Variants in SLC44A2 observed in about 807,000 individuals in gnomAD.
SLC44A2 encodes solute carrier family 44 member 2 (CTL2 blood group).
Under a neutral mutation model 90.8 loss-of-function variants are expected in SLC44A2, and 57 were observed. That is an observed-to-expected ratio of 0.63 (90% CI 0.51 to 0.78). SLC44A2 has a LOEUF of 0.78. Among genes scored for constraint, SLC44A2 ranks in the 30% least tolerant of loss-of-function variants. The probability of loss-of-function intolerance (pLI) is 0.00; values close to 1 mark genes in which losing one functional copy is unlikely to be tolerated. For synonymous variants in SLC44A2, 355 were observed against 360.7 expected (o/e 0.98, Z 0.18); for missense variants, 794 against 919.7 (o/e 0.86, Z 1.77).
In SLC44A2 at chr19:10,625,715, C is replaced by CCCT. The variant is rs770568112; in HGVS notation, c.37+47_37+49dup. ...CGTAGCCCCGGGCCGACCCCTCGGT[C>CCCT]CCTCGGAGGGGGCCTTGAGAGAACA... On this transcript the variant is annotated intron_variant, in intron 1 of 21. Transcript: ENST00000335757. The CCCT allele has an allele frequency of 6.7e-5, 82 of 1,231,720 alleles. No homozygotes were observed. The East Asian group carries it at 2.6e-3, about 39-fold the overall frequency. The allele number at this position is 1,231,720 out of a possible 1,614,324, so 76.3% of individuals were successfully genotyped here.
At chr19:10,638,600 A>C (rs955325635) in intron 20 of SLC44A2, among the ~76,000 whole-genome samples, 1 of 151,652 alleles carries the variant, frequency 6.6e-6, no homozygotes, top group Non-Finnish European at 1.5e-5. Flanking sequence ...GCCTGCCCCC[A>C]CACCTGCCTA....
At chr19:10,642,232 G>A in intron 20 of SLC44A2, 135 bp from the exon 21 acceptor site, 1 of 687,490 alleles carries the variant, frequency 1.5e-6, no homozygotes, top group Non-Finnish European at 2.6e-6. Context: ...CGGGGGTGAG[G>A]GGTTGGGATG....
At position 10,644,079 on chromosome 19, in the gene SLC44A2, G is replaced by A. The variant is rs1189110719; in HGVS notation, c.*694G>A. ...GTTTTGCGGGGGTTGGCAGTGGAGA[G>A]CAGGCTGGAGAGGAGATGGCTAATA... On this transcript the variant is annotated 3_prime_UTR_variant, in exon 22 of 22. Transcript: ENST00000335757. The A allele has an allele frequency of 6.6e-6, 1 of 152,670 alleles. No individual in the cohort carries two copies. Among genetic ancestry groups the A allele is most frequent in the Non-Finnish European group, 1.5e-5 (1 of 68,176 alleles). 9.5% of individuals were successfully genotyped at this position (152,670 alleles called of 1,614,324 possible). A position where few individuals can be genotyped will look rare whatever the true frequency, so the allele number is the denominator to read the frequency against.
At chr19:10,605,304 C>T (rs1918071157) in intron 1 of SLC44A2, among the ~76,000 whole-genome samples, 2 of 151,950 alleles carry the variant, frequency 1.3e-5, no homozygotes, top group South Asian at 2.1e-4. Flanking sequence ...CACCTGAGGT[C>T]GGGAGTTCGA....
Position 10,643,389 on chromosome 19 carries a change from C to T in SLC44A2, c.*4C>T, listed in dbSNP as rs1264658642. On this transcript the variant is annotated 3_prime_UTR_variant, in exon 22 of 22. Coordinates refer to ENST00000335757, the MANE Select transcript of SLC44A2 (RefSeq NM_020428.4). Reference sequence around the variant, plus strand: ...CAAGAAGGCAGCGGAGTCCTGAAGGCCCCGTGCTCCCCACCTCTCAAGGAG... The same window carrying T: ...CAAGAAGGCAGCGGAGTCCTGAAGGTCCCGTGCTCCCCACCTCTCAAGGAG... 6.2e-7 allele frequency: 1 copy of T among 1,605,556 alleles called. No individual in the cohort carries two copies.
chr19:10,640,984 G>A (rs1230375771), intron 20 of SLC44A2: 2 of 325,106 alleles, frequency 6.2e-6, no homozygotes, highest in African/African-American at 2.2e-5. Flanking sequence ...CTACTCAGGA[G>A]GCTGAGGTAA....
chr19:10,643,358 G>A lies in SLC44A2; in HGVS notation c.2094G>A (p.Lys698=), dbSNP rs1232465011. The change falls in exon 22 of 22, where the codon AAG becomes AAA. Residue 698 remains lysine, a synonymous_variant. Transcript: ENST00000335757. ...CCACCCTCAAGAAACTCTTGAACAAGACCAACAAGAAGGCAGCGGAGTCCT... is the reference window on the plus strand; with the variant it reads ...CCACCCTCAAGAAACTCTTGAACAAAACCAACAAGAAGGCAGCGGAGTCCT... ...MSSTLKKLLN[K]TNKKAAES 6.2e-7 allele frequency: 1 copy of A among 1,612,910 alleles called. No homozygotes were observed. Among genetic ancestry groups the A allele is most frequent in the South Asian group, 1.1e-5 (1 of 90,784 alleles).
At chr19:10,610,749 C>T (rs540106905) in intron 1 of SLC44A2, among the ~76,000 whole-genome samples, 1 of 142,186 alleles carries the variant, frequency 7.0e-6, no homozygotes, top group East Asian at 2.2e-4. Flanking sequence ...AAGTGATTCT[C>T]TGGCCTCAGC....
At chr19:10,636,064 A>G (rs2067050893) in intron 14 of SLC44A2, 2 of 496,134 alleles carry the variant, frequency 4.0e-6, no homozygotes, top group Admixed American at 7.7e-5. Flanking sequence ...GGTGTGAGCC[A>G]CCTCGCCCGG....
intron 16 of SLC44A2, 30 bp downstream of exon 16, chr19:10,636,786 C>G (rs921445819): frequency 6.2e-7 from 1 of 1,601,238 alleles, no homozygotes; most frequent in Non-Finnish European, 8.5e-7. Flanking sequence ...CGCATTAGCT[C>G]CTGTTGCGGG....
chr19:10,602,519 C>G (rs1414435379), exon 1 of SLC44A2: 7 of 1,272,848 alleles, frequency 5.5e-6, no homozygotes, highest in African/African-American at 1.5e-5. Context: ...CGCTCCCCGC[C>G]CCGCCGCGGC....
intron 16 of SLC44A2, 129 bp downstream of exon 16, chr19:10,636,885 C>A: frequency 1.0e-6 from 1 of 970,516 alleles, no homozygotes; most frequent in Non-Finnish European, 1.5e-6. Flanking sequence ...CTGTCTATGA[C>A]GGGGTGGAGT....
intron 1 of SLC44A2, among the ~76,000 whole-genome samples, chr19:10,609,823 T>G (rs1194545216): frequency 6.6e-6 from 1 of 152,076 alleles, no homozygotes; most frequent in East Asian, 1.9e-4. Flanking sequence ...TATTTATTTT[T>G]TGAGACAGAA....
chr19:10,636,641 G>C (rs1489953037), intron 15 of SLC44A2, 21 bp from the exon 16 acceptor site: 3 of 1,610,744 alleles, frequency 1.9e-6, no homozygotes, highest in Non-Finnish European at 2.5e-6. Flanking sequence ...CCCAGCCACC[G>C]ACCACTCCCT....
chr19:10,621,962 G>A (rs574518837), upstream of SLC44A2, among the ~76,000 whole-genome samples: 3 of 152,202 alleles, frequency 2.0e-5, no homozygotes, highest in East Asian at 3.9e-4. Flanking sequence ...GGGTTTCACA[G>A]TGTTGCCCAG....
At chr19:10,642,888 G>T in intron 21 of SLC44A2, 1 of 1,582,240 alleles carries the variant, frequency 6.3e-7, no homozygotes, top group Non-Finnish European at 8.5e-7. Context: ...GTTCCCGGGG[G>T]GAGCCCAGGT....
chr19:10,640,404 G>A (rs1811376), intron 20 of SLC44A2, among the ~76,000 whole-genome samples: 144,988 of 152,268 alleles, frequency 0.95, 69,089 homozygotes, highest in East Asian at 1. Flanking sequence ...TCATTGTTTT[G>A]AATTTTTAAT....
upstream of SLC44A2, among the ~76,000 whole-genome samples, chr19:10,623,824 G>A (rs918479304): frequency 6.6e-6 from 1 of 151,810 alleles, no homozygotes; most frequent in African/African-American, 2.4e-5. Context: ...CCAGTAGCTG[G>A]GATTACAGGT....
At chr19:10,615,039 G>T (rs1310703749) in intron 1 of SLC44A2, among the ~76,000 whole-genome samples, 7 of 137,706 alleles carry the variant, frequency 5.1e-5, no homozygotes, top group African/African-American at 1.1e-4. Context: ...AAGTAATTGC[G>T]TTTTTTTTTT....
Sources: allele counts gnomAD v4.1 joint callset (sites outside exome capture counted in the v4.1 genomes callset), GRCh38; gene constraint gnomAD v4.1.1; transcripts MANE v1.5; gene names NCBI Gene and HGNC (gene_info 2026-07-23, HGNC 2026-07-21).